Variants in UCHL3 observed in about 807,000 individuals in gnomAD.
UCHL3 encodes the protein ubiquitin C-terminal hydrolase L3, also known as ubiquitin carboxyl-terminal hydrolase isozyme L3.
UCHL3 carries 22 observed loss-of-function variants against 35.8 expected under a neutral mutation model. The ratio of observed to expected loss-of-function variants is 0.61; its 90% CI spans 0.44 to 0.88. The LOEUF is 0.88. UCHL3 is among the 40% of genes least tolerant of loss of function. UCHL3 has a pLI of 0.00. For missense variants in UCHL3, 229 were observed against 276.9 expected (o/e 0.83, Z 1.23); for synonymous variants, 90 against 92.8 (o/e 0.97, Z 0.17).
At chr13:75,586,453 A>G (rs895774715) in intron 6 of UCHL3, among the ~76,000 whole-genome samples, 2 of 96,492 alleles carry the variant, frequency 2.1e-5, no homozygotes, top group African/African-American at 5.6e-5. Flanking sequence ...CTCAGAATCA[A>G]TAAAAAGATA....
intron 6 of UCHL3, among the ~76,000 whole-genome samples, chr13:75,578,976 A>G (rs982242945): frequency 6.6e-6 from 1 of 152,116 alleles, no homozygotes; most frequent in Non-Finnish European, 1.5e-5. Flanking sequence ...ATAAAGTTTC[A>G]TCTTCATTAG....
chr13:75,564,667 T>G (rs1478517749), intron 3 of UCHL3, among the ~76,000 whole-genome samples: 1 of 152,262 alleles, frequency 6.6e-6, no homozygotes, highest in Middle Eastern at 3.4e-3. Flanking sequence ...TTATCTCTTT[T>G]TGATAATTAC....
At chr13:75,554,351 T>C (rs2031219287) in intron 2 of UCHL3, among the ~76,000 whole-genome samples, 1 of 152,236 alleles carries the variant, frequency 6.6e-6, no homozygotes, top group Admixed American at 6.5e-5. Context: ...GTAAGATCAC[T>C]ATAAGGATCA....
chr13:75,573,426 T>C (rs2031924588), intron 6 of UCHL3, among the ~76,000 whole-genome samples: 1 of 152,212 alleles, frequency 6.6e-6, no homozygotes, highest in Non-Finnish European at 1.5e-5. Context: ...GCTTGGGCAT[T>C]CATCACAAAT....
At chr13:75,578,997 A>G (rs1260813597) in intron 6 of UCHL3, among the ~76,000 whole-genome samples, 1 of 152,102 alleles carries the variant, frequency 6.6e-6, no homozygotes, top group Non-Finnish European at 1.5e-5. Context: ...ATGTATATGT[A>G]TAGTTGCATG....
intron 7 of UCHL3, among the ~76,000 whole-genome samples, chr13:75,596,078 G>A (rs771108867): frequency 3.3e-5 from 5 of 152,040 alleles, no homozygotes; most frequent in Non-Finnish European, 7.4e-5. Flanking sequence ...ATTTTAAGTT[G>A]TATAAAGATA....
chr13:75,572,538 G>A (rs1242291160), intron 6 of UCHL3, among the ~76,000 whole-genome samples: 1 of 152,142 alleles, frequency 6.6e-6, no homozygotes, highest in Non-Finnish European at 1.5e-5. Flanking sequence ...CTTAGGCCTA[G>A]CATTGGCATC....
intron 6 of UCHL3, among the ~76,000 whole-genome samples, chr13:75,585,605 A>C (rs1456481802): frequency 6.6e-6 from 1 of 152,160 alleles, no homozygotes; most frequent in African/African-American, 2.4e-5. Flanking sequence ...GAACAAATGA[A>C]GGTAAATATA....
chr13:75,600,715 A>G (rs1181539474), intron 7 of UCHL3, among the ~76,000 whole-genome samples: 2 of 152,246 alleles, frequency 1.3e-5, no homozygotes, highest in African/African-American at 2.4e-5. Flanking sequence ...AAAGAGATTA[A>G]TATTTTCATT....
chr13:75,593,877 C>G (rs1473725048), intron 6 of UCHL3, among the ~76,000 whole-genome samples: 1 of 152,126 alleles, frequency 6.6e-6, no homozygotes, highest in Non-Finnish European at 1.5e-5. Flanking sequence ...AAAATATATA[C>G]TTACTTGAGG....
chr13:75,597,447 G>T (rs547077106), intron 7 of UCHL3, among the ~76,000 whole-genome samples: 19 of 152,030 alleles, frequency 1.2e-4, no homozygotes, highest in Non-Finnish European at 2.6e-4. Context: ...CTCTCTGTGG[G>T]TTCTTGCATT....
At chr13:75,561,542 A>G (rs536542731) in intron 3 of UCHL3, among the ~76,000 whole-genome samples, 1 of 142,670 alleles carries the variant, frequency 7.0e-6, no homozygotes, top group Non-Finnish European at 1.5e-5. Flanking sequence ...AGTTTTTTCA[A>G]TATATATATA....
At chr13:75,605,538 C>T (rs1226523006) in intron 8 of UCHL3, among the ~76,000 whole-genome samples, 191 bp from the exon 9 acceptor site, 1 of 152,020 alleles carries the variant, frequency 6.6e-6, no homozygotes, top group African/African-American at 2.4e-5. Context: ...CAAAAACTTA[C>T]TGTATCTTAT....
chr13:75,581,161 C>T (rs945583968), intron 6 of UCHL3, among the ~76,000 whole-genome samples: 1 of 151,482 alleles, frequency 6.6e-6, no homozygotes, highest in Non-Finnish European at 1.5e-5. Context: ...AACTATCTAC[C>T]CACTAATGAT....
At chr13:75,582,107 T>C (rs1262218784) in intron 6 of UCHL3, among the ~76,000 whole-genome samples, 2 of 144,888 alleles carry the variant, frequency 1.4e-5, no homozygotes, top group Non-Finnish European at 3.1e-5. Flanking sequence ...GCAAGTCAAG[T>C]AGGTCCTTGT....
chr13:75,594,900 T>C lies in UCHL3; in HGVS notation c.475-15T>C. 6.3e-7 allele frequency: 1 copy of C among 1,598,122 alleles called. No individual in the cohort carries two copies. Among genetic ancestry groups the C allele is most frequent in the Non-Finnish European group, 8.5e-7 (1 of 1,173,348 alleles). ...TACTAATGTATATAATACCTATTTT[T>C]CCCTCCTATTCCAGGCACCAAGTAT... is the stretch of plus-strand genomic sequence containing the variant. On this transcript the variant is annotated splice_polypyrimidine_tract_variant and intron_variant, in intron 6 of 8. Coordinates refer to ENST00000377595, the MANE Select transcript of UCHL3 (RefSeq NM_006002.5).
intron 6 of UCHL3, among the ~76,000 whole-genome samples, chr13:75,583,008 A>AT (rs2032226876): frequency 6.6e-6 from 1 of 152,210 alleles, no homozygotes; most frequent in Admixed American, 6.5e-5. Context: ...TTATCTCTGG[A>AT]AATTATACAG....
intron 6 of UCHL3, among the ~76,000 whole-genome samples, chr13:75,571,788 T>C (rs974355294): frequency 1.3e-4 from 20 of 152,196 alleles, no homozygotes; most frequent in African/African-American, 4.6e-4. Context: ...CCATAAGAAT[T>C]AATCTTTTCT....
chr13:75,591,224 A>G (rs550951353), intron 6 of UCHL3, among the ~76,000 whole-genome samples: 76 of 152,256 alleles, frequency 5.0e-4, no homozygotes, highest in African/African-American at 1.7e-3. Flanking sequence ...TTCCTTAAAT[A>G]TTTGCTTCCA....
Sources: gnomAD v4.1 joint callset for allele counts (sites outside exome capture counted in the v4.1 genomes callset) on GRCh38, gnomAD v4.1.1 for gene constraint, MANE v1.5 for transcripts, NCBI Gene and HGNC (gene_info 2026-07-23, HGNC 2026-07-21) for gene names.